Variants in DNAAF5 observed in about 807,000 individuals in gnomAD.
DNAAF5 encodes dynein axonemal assembly factor 5.
Under a neutral mutation model 75.8 loss-of-function variants are expected in DNAAF5, and 64 were observed. That is an observed-to-expected ratio of 0.84 (90% confidence interval 0.69 to 1.04). The LOEUF (loss-of-function observed/expected upper bound fraction) is 1.04, where lower values mean the gene tolerates loss of function less well. DNAAF5 is among the 50% of genes least tolerant of loss of function. The pLI, the probability that DNAAF5 is intolerant of heterozygous loss-of-function variation, is 0.00. For synonymous variants in DNAAF5, 657 were observed against 557.2 expected (o/e 1.18, Z -2.52); for missense variants, 1,269 against 1,178.5 (o/e 1.08, Z -1.12).
intron 7 of DNAAF5, among the ~76,000 whole-genome samples, chr7:762,374 C>T (rs1782686591): frequency 1.3e-5 from 2 of 151,998 alleles, no homozygotes; most frequent in African/African-American, 4.8e-5. Context: ...GTAGTCCCAG[C>T]TACTCAGGAG....
intron 6 of DNAAF5, 147 bp downstream of exon 6, chr7:757,141 C>A: frequency 1.3e-6 from 1 of 754,092 alleles, no homozygotes. Flanking sequence ...GGGTCCGCCC[C>A]GTGCCGCCAG....
intron 4 of DNAAF5, among the ~76,000 whole-genome samples, chr7:742,705 C>T (rs1409664487): frequency 2.7e-5 from 4 of 149,408 alleles, no homozygotes; most frequent in Admixed American, 1.3e-4. Flanking sequence ...TCAATCATGC[C>T]CAGCTCAAAT....
intron 11 of DNAAF5, among the ~76,000 whole-genome samples, chr7:776,454 C>T (rs993041090): frequency 1.3e-5 from 2 of 152,214 alleles, no homozygotes; most frequent in Non-Finnish European, 2.9e-5. Flanking sequence ...AGAAGCAAGG[C>T]AGAGGTCTCC....
chr7:735,527 T>TG lies in DNAAF5; in HGVS notation c.781-5292_781-5291insG, dbSNP rs1213842959. Among the ~76,000 whole-genome samples, 7 of 151,750 alleles carry TG rather than the reference T, an allele frequency of 4.6e-5. No individual in the cohort carries two copies. In the East Asian group the frequency reaches 1.2e-3, roughly 25 times the overall value. ...TAGTTGCTGATATTGTTGCTCACGG[T>TG]TTTCTTCATGGTGTAGCTGCTCACA... is the stretch of plus-strand genomic sequence containing the variant. On this transcript the variant is annotated intron_variant, in intron 2 of 12. Transcript: ENST00000297440.
intron 8 of DNAAF5, among the ~76,000 whole-genome samples, chr7:765,733 C>T (rs765175363): frequency 1.3e-5 from 2 of 152,190 alleles, no homozygotes; most frequent in Non-Finnish European, 2.9e-5. Context: ...GACGGTCTCA[C>T]GCTGTCACCC....
Position 780,156 on chromosome 7 carries a change from A to G in DNAAF5, c.2431+12A>G. The G allele has an allele frequency of 1.2e-6, 2 of 1,611,594 alleles. No individual in the cohort carries two copies. The highest frequency in any genetic ancestry group is 1.1e-5 in the South Asian group (1 of 90,830). On this transcript the variant is annotated intron_variant, in intron 12 of 12. Transcript: ENST00000297440. ...GGATGCAATTTTAGGTGAGACTCCG[A>G]CGGCTTGGCCTTCGTTCCGATGCCT...
At chr7:755,276 G>A (rs562593998) in intron 5 of DNAAF5, among the ~76,000 whole-genome samples, 7 of 152,290 alleles carry the variant, frequency 4.6e-5, no homozygotes, top group African/African-American at 1.7e-4. Flanking sequence ...TGTCCCTGGT[G>A]CAGTCCTCTT....
chr7:760,074 GCGGCTCCTC>G (rs2128079811), intron 6 of DNAAF5, among the ~76,000 whole-genome samples: 1 of 11,008 alleles, frequency 9.1e-5, no homozygotes, highest in African/African-American at 2.7e-4. Flanking sequence ...ACGGGGCCGC[GCGGCTCCTC>G]CAGCTCTGAG....
intron 11 of DNAAF5, among the ~76,000 whole-genome samples, chr7:776,481 G>A (rs1447605806): frequency 3.3e-5 from 5 of 152,236 alleles, no homozygotes; most frequent in Admixed American, 2.0e-4. Flanking sequence ...GCACTGGGTG[G>A]GGGTGACAAG....
chr7:767,180 A>G (rs979342920), intron 8 of DNAAF5, among the ~76,000 whole-genome samples: 1 of 148,270 alleles, frequency 6.7e-6, no homozygotes, highest in African/African-American at 2.5e-5. Context: ...CGGGGCTTGC[A>G]GTGAGCCGAG....
chr7:780,779 C>T (rs765363388), intron 12 of DNAAF5, among the ~76,000 whole-genome samples: 5 of 152,050 alleles, frequency 3.3e-5, no homozygotes, highest in Non-Finnish European at 5.9e-5. Context: ...CATTAAAATC[C>T]GCTGGTCCAT....
chr7:776,323 C>T (rs1417842776), intron 11 of DNAAF5, among the ~76,000 whole-genome samples: 1 of 151,798 alleles, frequency 6.6e-6, no homozygotes, highest in African/African-American at 2.4e-5. Context: ...GTGACAGAGC[C>T]AGACTCCATC....
chr7:730,034 T>TA (rs1356537071), intron 2 of DNAAF5, among the ~76,000 whole-genome samples, 187 bp downstream of exon 2: 6 of 152,218 alleles, frequency 3.9e-5, no homozygotes, highest in African/African-American at 1.2e-4. Flanking sequence ...TGAACTGTTT[T>TA]AATGTTTGAT....
At position 770,417 on chromosome 7, in the gene DNAAF5, G is replaced by T. The variant is rs114852264; in HGVS notation, c.1784-54G>T. ...TGAGCCTGGGCCTGTGCTGGATGGG[G>T]CCTCCTCCCGTCTCCTGAGGGCCGT... On this transcript the variant is annotated intron_variant, in intron 8 of 12. Coordinates refer to ENST00000297440, the MANE Select transcript of DNAAF5 (RefSeq NM_017802.4). 3.1e-3 allele frequency: 4,838 copies of T among 1,558,940 alleles called. 133 individuals carry two copies. The African/African-American group carries it at 0.057, about 18-fold the overall frequency.
In DNAAF5 at chr7:754,952, C is replaced by G. The variant is rs906069560; in HGVS notation, c.1257+131C>G. Reference sequence around the variant, plus strand: ...TCCCCTCACCCCCGGGCCGCAGGCCCTCCCCACACCCAGCCCCTGGGAACA... The same window carrying G: ...TCCCCTCACCCCCGGGCCGCAGGCCGTCCCCACACCCAGCCCCTGGGAACA... On this transcript the variant is annotated intron_variant, in intron 5 of 12. Transcript: ENST00000297440. This position sits in a 1 kb window ranked among gnomAD's most constrained non-coding sequence, Gnocchi z 4.8. The G allele has an allele frequency of 8.1e-5, 53 of 653,064 alleles. No individual in the cohort carries two copies. Among genetic ancestry groups the G allele is most frequent in the Admixed American group, 1.2e-4 (4 of 33,632 alleles). The allele number at this position is 653,064 out of a possible 1,614,324, so 40.5% of individuals were successfully genotyped here. A position where few individuals can be genotyped will look rare whatever the true frequency, so the allele number is the denominator to read the frequency against.
intron 9 of DNAAF5, chr7:772,740 C>G (rs1157960743): frequency 6.6e-6 from 1 of 152,492 alleles, no homozygotes; most frequent in African/African-American, 2.4e-5. Flanking sequence ...CCCAGCTACT[C>G]AGGAGGCTGA....
intron 4 of DNAAF5, among the ~76,000 whole-genome samples, chr7:742,215 T>A (rs1781932494): frequency 6.6e-6 from 1 of 152,182 alleles, no homozygotes; most frequent in Non-Finnish European, 1.5e-5. Flanking sequence ...CACTTGAGTC[T>A]ATCTGCGGGG....
At chr7:765,791 T>C (rs566281090) in intron 8 of DNAAF5, among the ~76,000 whole-genome samples, 1 of 152,252 alleles carries the variant, frequency 6.6e-6, no homozygotes, top group South Asian at 2.1e-4. Context: ...GCCTCAAACT[T>C]CCGGGATCAA....
intron 7 of DNAAF5, among the ~76,000 whole-genome samples, chr7:762,963 C>A (rs952251106): frequency 6.6e-6 from 1 of 152,158 alleles, no homozygotes; most frequent in Non-Finnish European, 1.5e-5. Flanking sequence ...GCTTCTAGGG[C>A]CCCTGGAGGC....
Sources: gnomAD v4.1 joint callset for allele counts (sites outside exome capture counted in the v4.1 genomes callset) on GRCh38, gnomAD v4.1.1 for gene constraint, Gnocchi (gnomAD v3.1) non-coding constraint, MANE v1.5 for transcripts, NCBI Gene and HGNC (gene_info 2026-07-23, HGNC 2026-07-21) for gene names.